Variants in DLG1 observed in about 807,000 individuals in gnomAD.
The protein encoded by DLG1 is disks large homolog 1.
A neutral mutation model predicts 123.4 loss-of-function variants in DLG1; 42 were observed. That is an observed-to-expected ratio of 0.34 (90% confidence interval 0.27 to 0.44). The LOEUF (loss-of-function observed/expected upper bound fraction) is 0.44, where lower values mean the gene tolerates loss of function less well. Among genes scored for constraint, DLG1 ranks in the 20% least tolerant of loss-of-function variants. The pLI is 1.00. For missense variants in DLG1, 942 were observed against 1,082.6 expected, an observed-to-expected ratio of 0.87 and a Z score of 1.82; for synonymous variants, 317 against 356.2, an observed-to-expected ratio of 0.89 and a Z score of 1.24.
rs1052499207 is a variant in DLG1, at chr3:197,153,815, C to T, written c.484-4019G>A. Among the ~76,000 whole-genome samples, 9 of 152,084 alleles carry T rather than the reference C, an allele frequency of 5.9e-5. No individual in the cohort carries two copies. In the East Asian group the frequency reaches 9.6e-4, roughly 16 times the overall value. Reference sequence around the variant, plus strand: ...TCAGAAAATATCTAAGAAGACCCTACGTTTACACCTGAGGCTGATCTTTGA... The same window carrying T: ...TCAGAAAATATCTAAGAAGACCCTATGTTTACACCTGAGGCTGATCTTTGA... On this transcript the variant is annotated intron_variant, in intron 5 of 24. Coordinates refer to ENST00000667157, the MANE Select transcript of DLG1 (RefSeq NM_001366207.1).
intron 4 of DLG1, among the ~76,000 whole-genome samples, chr3:197,196,192 A>T (rs898919441): frequency 1.3e-5 from 2 of 150,564 alleles, no homozygotes; most frequent in Non-Finnish European, 3.0e-5. Context: ...AAAAAAAAAA[A>T]AAAAGAATGG....
chr3:197,188,162 C>A (rs934182902), intron 5 of DLG1, among the ~76,000 whole-genome samples: 2 of 152,144 alleles, frequency 1.3e-5, no homozygotes, highest in African/African-American at 4.8e-5. Context: ...CTAACATGCA[C>A]CCTAAGTATC....
At chr3:197,182,464 T>A (rs1712843738) in intron 5 of DLG1, among the ~76,000 whole-genome samples, 1 of 152,062 alleles carries the variant, frequency 6.6e-6, no homozygotes, top group Admixed American at 6.5e-5. Flanking sequence ...TTATTTTAAA[T>A]CAACACCATT....
chr3:197,218,170 G>C (rs1429078064), intron 4 of DLG1, among the ~76,000 whole-genome samples: 1 of 152,166 alleles, frequency 6.6e-6, no homozygotes, highest in East Asian at 1.9e-4. Context: ...TAAGAGAAGT[G>C]TTCGAGGCAG....
chr3:197,058,771 TTTAA>T (rs1331102762), intron 23 of DLG1, among the ~76,000 whole-genome samples: 1 of 152,246 alleles, frequency 6.6e-6, no homozygotes, highest in African/African-American at 2.4e-5. Flanking sequence ...TGTTTTCTTA[TTTAA>T]TTGCTTCTGT....
At chr3:197,090,307 GA>G (rs36030396) in intron 15 of DLG1, among the ~76,000 whole-genome samples, 110,393 of 145,022 alleles carry the variant, frequency 0.76, 41,567 homozygotes, top group East Asian at 0.81. Context: ...CCAACGAAAT[GA>G]AAAAAAAAAA....
chr3:197,054,590 T>C (rs964452362), intron 23 of DLG1, among the ~76,000 whole-genome samples: 3 of 152,164 alleles, frequency 2.0e-5, no homozygotes, highest in Admixed American at 6.5e-5. Context: ...TATTTTTAGG[T>C]TTTTTATTTC....
intron 4 of DLG1, among the ~76,000 whole-genome samples, chr3:197,280,078 A>AG (rs953724973): frequency 3.3e-5 from 5 of 152,166 alleles, no homozygotes; most frequent in African/African-American, 1.2e-4. Context: ...ACTGAACAGT[A>AG]GAATGTATTC....
rs933679058 is a variant in DLG1, at chr3:197,117,561, T to C, written c.1287-1478A>G. 4.2e-4 allele frequency among the ~76,000 whole-genome samples: 64 copies of C among 152,114 alleles called. 1 individual carries two copies. Among genetic ancestry groups the C allele is most frequent in the African/African-American group, 1.5e-3 (61 of 41,444 alleles). On this transcript the variant is annotated intron_variant, in intron 12 of 24. Coordinates refer to ENST00000667157, the MANE Select transcript of DLG1 (RefSeq NM_001366207.1). ...GTGTATCTTGACAACATAAGTGAAA[T>C]AGGCCAGTCACAAAAGGACAAATAT... is the stretch of plus-strand genomic sequence containing the variant.
At chr3:197,245,900 T>C (rs34771895) in intron 4 of DLG1, among the ~76,000 whole-genome samples, 2 of 85,368 alleles carry the variant, frequency 2.3e-5, no homozygotes, top group African/African-American at 9.6e-5. Flanking sequence ...TTTTTTTTTT[T>C]GGGGGGGGGG....
At chr3:197,143,920 C>T (rs1258897038) in intron 6 of DLG1, among the ~76,000 whole-genome samples, 1 of 152,150 alleles carries the variant, frequency 6.6e-6, no homozygotes, top group Non-Finnish European at 1.5e-5. Context: ...GAAGTTAACT[C>T]CTACAGTAAA....
intron 18 of DLG1, among the ~76,000 whole-genome samples, chr3:197,073,925 A>G (rs759040957): frequency 6.6e-6 from 1 of 151,838 alleles, no homozygotes; most frequent in East Asian, 1.9e-4. Flanking sequence ...CCTGATGACT[A>G]CCTACATTAA....
chr3:197,222,825 T>C (rs1737838351), intron 4 of DLG1, among the ~76,000 whole-genome samples: 1 of 152,206 alleles, frequency 6.6e-6, no homozygotes, highest in Non-Finnish European at 1.5e-5. Flanking sequence ...TCACCAAACA[T>C]ACTTTAATGC....
chr3:197,087,780 G>C (rs1755280508), intron 15 of DLG1, among the ~76,000 whole-genome samples: 1 of 152,188 alleles, frequency 6.6e-6, no homozygotes, highest in South Asian at 2.1e-4. Context: ...GAAGTGTACA[G>C]TAGTACCAAG....
At chr3:197,070,956 T>C (rs1016832950) in intron 18 of DLG1, 39 of 152,320 alleles carry the variant, frequency 2.6e-4, no homozygotes, top group African/African-American at 9.1e-4. Context: ...TTAAAATTGG[T>C]GTATAATATT....
chr3:197,196,652 CAACT>C (rs893896584), intron 4 of DLG1, among the ~76,000 whole-genome samples: 4 of 152,134 alleles, frequency 2.6e-5, no homozygotes, highest in African/African-American at 7.2e-5. Context: ...GCCTATCAAT[CAACT>C]AACAAAATGT....
intron 4 of DLG1, among the ~76,000 whole-genome samples, chr3:197,264,439 T>C (rs1437895509): frequency 1.3e-5 from 2 of 152,208 alleles, no homozygotes; most frequent in Non-Finnish European, 2.9e-5. Flanking sequence ...CTTTTGTTTT[T>C]TGAGATGGAG....
intron 5 of DLG1, chr3:197,161,654 G>A: frequency 1.3e-6 from 2 of 1,536,908 alleles, no homozygotes; most frequent in Non-Finnish European, 1.7e-6. Flanking sequence ...GGTATGGTGG[G>A]TAGGATGACA....
chr3:197,194,196 T>C (rs1218017786), intron 5 of DLG1: 1 of 276,116 alleles, frequency 3.6e-6, no homozygotes, highest in Non-Finnish European at 6.7e-6. Flanking sequence ...TGGGAATTTT[T>C]AGACTTAAAG....
Sources: gnomAD v4.1 joint callset for allele counts (sites outside exome capture counted in the v4.1 genomes callset) on GRCh38, gnomAD v4.1.1 for gene constraint, MANE v1.5 for transcripts, NCBI Gene and HGNC (gene_info 2026-07-23, HGNC 2026-07-21) for gene names.